LDLRAD4: variants seen among roughly 807,000 people sequenced by gnomAD.
LDLRAD4 encodes the protein low-density lipoprotein receptor class A domain-containing protein 4.
In LDLRAD4, 5 loss-of-function variants were observed where a neutral mutation model predicts 17.0. The observed-to-expected ratio is 0.29, with a 90% CI of 0.15 to 0.62. The LOEUF (loss-of-function observed/expected upper bound fraction) is 0.62, where lower values mean the gene tolerates loss of function less well. Among genes scored for constraint, LDLRAD4 ranks in the 20% least tolerant of loss-of-function variants. The pLI is 0.84. For synonymous variants in LDLRAD4, 168 were observed against 171.8 expected, an observed-to-expected ratio of 0.98 and a Z score of 0.17; for missense variants, 340 against 424.7, an observed-to-expected ratio of 0.80 and a Z score of 1.75.
At chr18:13,553,594 A>G (rs1314263501) in intron 3 of LDLRAD4, among the ~76,000 whole-genome samples, 1 of 152,216 alleles carries the variant, frequency 6.6e-6, no homozygotes, top group Non-Finnish European at 1.5e-5. Context: ...CTGTGCCGAG[A>G]ACAGGGAGTG....
intron 1 of LDLRAD4, chr18:13,362,092 G>T (rs1207177427): frequency 6.6e-6 from 1 of 152,072 alleles, no homozygotes; most frequent in Non-Finnish European, 1.5e-5. Context: ...CATTTGGAAG[G>T]TAACACAAGC....
chr18:13,254,878 C>T (rs1023251444), intron 1 of LDLRAD4, among the ~76,000 whole-genome samples: 1 of 152,166 alleles, frequency 6.6e-6, no homozygotes, highest in African/African-American at 2.4e-5. Context: ...GCATGAGAAT[C>T]GCTTGAGCCC....
At chr18:13,533,136 A>C (rs981822808) in intron 3 of LDLRAD4, among the ~76,000 whole-genome samples, 2 of 152,216 alleles carry the variant, frequency 1.3e-5, no homozygotes, top group African/African-American at 2.4e-5. Context: ...AGCGACCAAT[A>C]GACAAGGTCC....
At chr18:13,372,822 G>A (rs2084617607) in intron 1 of LDLRAD4, among the ~76,000 whole-genome samples, 1 of 152,256 alleles carries the variant, frequency 6.6e-6, no homozygotes, top group Admixed American at 6.5e-5. Context: ...ATGTGTTTGT[G>A]TGTTGTCTGT....
rs1555663310 is a variant in LDLRAD4, at chr18:13,370,719, T to TTTTTTGTTTG, written c.-382-16617_-382-16616insGTTTGTTTTT. On this transcript the variant is annotated intron_variant, in intron 1 of 5. Coordinates refer to ENST00000359446, the Ensembl canonical transcript of LDLRAD4. ...TTTCATGGTTTTTTGTTTTGTTTTT[T>TTTTTTGTTTG]TTTTTTTTTGAGATGGATTCTTGCT... Among the ~76,000 whole-genome samples, 2 of 144,856 alleles carry TTTTTTGTTTG rather than the reference T, an allele frequency of 1.4e-5. 1 individual carries two copies. The highest frequency in any genetic ancestry group is 5.2e-5 in the African/African-American group (2 of 38,618).
chr18:13,555,783 T>A (rs1443705433), intron 3 of LDLRAD4, among the ~76,000 whole-genome samples: 1 of 152,240 alleles, frequency 6.6e-6, no homozygotes, highest in East Asian at 1.9e-4. Context: ...TTATAAAGTA[T>A]ATAATAATTA....
intron 1 of LDLRAD4, among the ~76,000 whole-genome samples, chr18:13,225,571 G>A (rs2041740081): frequency 6.6e-6 from 1 of 152,226 alleles, no homozygotes; most frequent in Non-Finnish European, 1.5e-5. Flanking sequence ...GCCACGCATT[G>A]TCATGACCCA....
chr18:13,275,672 T>A (rs1026968213), upstream of LDLRAD4, among the ~76,000 whole-genome samples: 6 of 152,244 alleles, frequency 3.9e-5, no homozygotes, highest in African/African-American at 1.4e-4. Flanking sequence ...GATACCCCAT[T>A]CTGCATGATT....
In LDLRAD4 at chr18:13,390,449, C is replaced by G. The variant is rs558292414; in HGVS notation, c.40+2687C>G. ...GTGGCCTTGGGTACACACGGGTTCC[C>G]TGGGGAGCTTCCCTACCACCTGGGT... On this transcript the variant is annotated intron_variant, in intron 2 of 5. Transcript: ENST00000359446. Among the ~76,000 whole-genome samples, 15 of 152,246 alleles carry G rather than the reference C, an allele frequency of 9.9e-5. 1 individual carries two copies. The South Asian group carries it at 2.7e-3, about 27-fold the overall frequency.
chr18:13,577,393 T>C (rs1293300542), intron 3 of LDLRAD4, among the ~76,000 whole-genome samples: 3 of 152,108 alleles, frequency 2.0e-5, no homozygotes, highest in Non-Finnish European at 4.4e-5. Flanking sequence ...TGTGTTGAGA[T>C]GGGTTTGCTG....
intron 3 of LDLRAD4, among the ~76,000 whole-genome samples, chr18:13,568,671 G>A (rs2094640271): frequency 6.6e-6 from 1 of 152,206 alleles, no homozygotes; most frequent in Non-Finnish European, 1.5e-5. Context: ...AGGGAAGGCA[G>A]AATAAAAACG....
chr18:13,630,006 G>A (rs548608988), intron 4 of LDLRAD4, among the ~76,000 whole-genome samples: 40 of 152,288 alleles, frequency 2.6e-4, no homozygotes, highest in Non-Finnish European at 4.7e-4. Flanking sequence ...GATCTTGTGT[G>A]GTTCCACATT....
intron 1 of LDLRAD4, among the ~76,000 whole-genome samples, chr18:13,261,255 C>G (rs1432320455): frequency 6.6e-6 from 1 of 152,222 alleles, no homozygotes; most frequent in Non-Finnish European, 1.5e-5. Flanking sequence ...AAAAATAGAC[C>G]AGCGGGTTCT....
At chr18:13,402,336 G>A (rs559681809) in intron 2 of LDLRAD4, among the ~76,000 whole-genome samples, 7 of 152,176 alleles carry the variant, frequency 4.6e-5, no homozygotes, top group African/African-American at 1.7e-4. Flanking sequence ...TCTTATAAAC[G>A]TCCCATTTTC....
intron 3 of LDLRAD4, among the ~76,000 whole-genome samples, chr18:13,544,954 A>C (rs147601316): frequency 7.1e-6 from 1 of 141,664 alleles, no homozygotes; most frequent in East Asian, 2.0e-4. Context: ...AACAAGTATT[A>C]CTTTTATAAT....
chr18:13,490,932 C>T (rs1268444902), intron 3 of LDLRAD4, among the ~76,000 whole-genome samples: 1 of 152,138 alleles, frequency 6.6e-6, no homozygotes, highest in Non-Finnish European at 1.5e-5. Context: ...TGTCTCTGGA[C>T]GATATTCTGT....
chr18:13,309,178 C>A (rs997011849), intron 1 of LDLRAD4, among the ~76,000 whole-genome samples: 1 of 152,186 alleles, frequency 6.6e-6, no homozygotes. Flanking sequence ...GTGAGCGACC[C>A]GGCCCCACTT....
At chr18:13,218,940 G>C (rs957836664) in exon 1 of LDLRAD4, 1 of 152,310 alleles carries the variant, frequency 6.6e-6, no homozygotes, top group African/African-American at 2.4e-5. Context: ...AAGCTTCCTC[G>C]GGACCCCTTC....
At chr18:13,511,715 G>T (rs1245078486) in intron 3 of LDLRAD4, among the ~76,000 whole-genome samples, 1 of 152,220 alleles carries the variant, frequency 6.6e-6, no homozygotes, top group Non-Finnish European at 1.5e-5. Context: ...CAGTAGGAAA[G>T]GCGGGGACAT....
Sources: gnomAD v4.1 joint callset for allele counts (sites outside exome capture counted in the v4.1 genomes callset) on GRCh38, gnomAD v4.1.1 for gene constraint, MANE v1.5 for transcripts, NCBI Gene and HGNC (gene_info 2026-07-23, HGNC 2026-07-21) for gene names.